NBAS: variants seen among roughly 807,000 people sequenced by gnomAD.
The protein encoded by NBAS is NBAS subunit of NRZ tethering complex, also known as NAG/BC035112 fusion.
Under a neutral mutation model 302.5 loss-of-function variants are expected in NBAS, and 219 were observed. The ratio of observed to expected loss-of-function variants is 0.72; its 90% CI spans 0.65 to 0.81. The LOEUF (loss-of-function observed/expected upper bound fraction) is 0.81, where lower values mean the gene tolerates loss of function less well. Ranked by LOEUF, NBAS falls within the 30% of genes least tolerant of loss-of-function variation. The probability of loss-of-function intolerance (pLI) is 0.00; values close to 1 mark genes in which losing one functional copy is unlikely to be tolerated. For synonymous variants in NBAS, 1,118 were observed against 1,021.6 expected (o/e 1.09, Z -1.80); for missense variants, 2,932 against 2,841.6 (o/e 1.03, Z -0.72).
At chr2:15,264,789 A>G (rs1187773418) in intron 44 of NBAS, among the ~76,000 whole-genome samples, 1 of 152,248 alleles carries the variant, frequency 6.6e-6, no homozygotes, top group African/African-American at 2.4e-5. Context: ...ATGTTACAAC[A>G]TCTCTTCCTC....
intron 16 of NBAS, among the ~76,000 whole-genome samples, chr2:15,471,248 T>C (rs1679944805): frequency 6.6e-6 from 1 of 152,166 alleles, no homozygotes; most frequent in Admixed American, 6.5e-5. Flanking sequence ...AATACAGAAT[T>C]AGTGTTTTGA....
chr2:15,275,636 C>T lies in NBAS; in HGVS notation c.5572G>A (p.Gly1858Arg). 6.2e-7 allele frequency: 1 copy of T among 1,614,158 alleles called. No individual in the cohort carries two copies. Among genetic ancestry groups the T allele is most frequent in the Non-Finnish European group, 8.5e-7 (1 of 1,180,024 alleles). ...TIWLQKLFWT[G>R]DPHLIKQVPG... ...ACTTGTTTAATGAGATGAGGGTCTC[C>T]AGTCCAGAACAACTTCTGTAACCAG... Residue 1858 changes from glycine (G) to arginine (R), a missense_variant, in exon 44 of 52, where the codon GGA becomes AGA. Gly to Arg is a moderately radical substitution (Grantham distance 125). Coordinates refer to ENST00000281513, the MANE Select transcript of NBAS (RefSeq NM_015909.4).
At chr2:14,811,778 T>C in the NBAS span, among the ~76,000 whole-genome samples, 1 of 152,074 alleles carries the variant, frequency 6.6e-6, no homozygotes, top group South Asian at 2.1e-4. Flanking sequence ...AATCTAGGAA[T>C]GTAAATGATG....
intron 12 of NBAS, among the ~76,000 whole-genome samples, chr2:15,478,521 T>A (rs1216568293): frequency 6.6e-6 from 1 of 152,222 alleles, no homozygotes; most frequent in East Asian, 1.9e-4. Flanking sequence ...ACAGCATGCA[T>A]ATGAACAACA....
chr2:15,252,081 G>A (rs1471840551), intron 44 of NBAS, among the ~76,000 whole-genome samples: 1 of 152,212 alleles, frequency 6.6e-6, no homozygotes, highest in Non-Finnish European at 1.5e-5. Context: ...CAGCAGGAGA[G>A]CAACACAATC....
the NBAS span, among the ~76,000 whole-genome samples, chr2:14,868,603 T>C: frequency 2.0e-5 from 3 of 152,184 alleles, no homozygotes; most frequent in African/African-American, 4.8e-5. Flanking sequence ...TCTTAGTATG[T>C]TGCAGCCCAA....
the NBAS span, among the ~76,000 whole-genome samples, chr2:14,784,929 T>G: frequency 6.6e-6 from 1 of 152,238 alleles, no homozygotes; most frequent in Admixed American, 6.5e-5. Flanking sequence ...ATTTTCACGA[T>G]ACTGATTCTT....
chr2:14,800,394 T>C, the NBAS span, among the ~76,000 whole-genome samples: 1 of 152,328 alleles, frequency 6.6e-6, no homozygotes, highest in South Asian at 2.1e-4. Context: ...TGGTCTTCCT[T>C]GCCTTCCGCC....
At chr2:15,302,147 G>A (rs1345272122) in intron 40 of NBAS, among the ~76,000 whole-genome samples, 1 of 152,134 alleles carries the variant, frequency 6.6e-6, no homozygotes, top group Non-Finnish European at 1.5e-5. Flanking sequence ...ATGGAGAGGT[G>A]GTAACTCTCA....
At chr2:15,005,633 GT>G in the NBAS span, among the ~76,000 whole-genome samples, 1 of 152,238 alleles carries the variant, frequency 6.6e-6, no homozygotes, top group African/African-American at 2.4e-5. Flanking sequence ...AGGGACCAGA[GT>G]TCCAGTGGCA....
chr2:14,846,286 T>G, the NBAS span, among the ~76,000 whole-genome samples: 1 of 152,050 alleles, frequency 6.6e-6, no homozygotes, highest in South Asian at 2.1e-4. Flanking sequence ...CAGAAACTTA[T>G]AGAAAACCTA....
At chr2:15,373,874 C>T (rs1418949293) in intron 31 of NBAS, among the ~76,000 whole-genome samples, 2 of 152,116 alleles carry the variant, frequency 1.3e-5, no homozygotes, top group African/African-American at 2.4e-5. Context: ...AAGCACACTG[C>T]TAATAATACC....
At chr2:15,547,346 T>C (rs1664164000) in intron 6 of NBAS, among the ~76,000 whole-genome samples, 1 of 152,014 alleles carries the variant, frequency 6.6e-6, no homozygotes, top group Admixed American at 6.6e-5. Context: ...TAAAGATGAG[T>C]CAGATAACAA....
At chr2:14,884,479 G>T in the NBAS span, among the ~76,000 whole-genome samples, 3 of 152,048 alleles carry the variant, frequency 2.0e-5, no homozygotes, top group East Asian at 5.8e-4. Context: ...TGAAGAAGAG[G>T]GTAGGCTGAG....
chr2:15,289,226 C>G (rs1371374904), intron 41 of NBAS, among the ~76,000 whole-genome samples: 2 of 152,084 alleles, frequency 1.3e-5, no homozygotes, highest in East Asian at 3.9e-4. Flanking sequence ...GTAGCTGGGA[C>G]TTCAGGAAAA....
the NBAS span, among the ~76,000 whole-genome samples, chr2:15,044,190 T>G: frequency 8.5e-5 from 13 of 152,314 alleles, no homozygotes; most frequent in African/African-American, 2.4e-4. Context: ...TTCCAATTAC[T>G]TAGATTCTAA....
At chr2:15,056,255 GA>G in the NBAS span, among the ~76,000 whole-genome samples, 1 of 152,232 alleles carries the variant, frequency 6.6e-6, no homozygotes, top group Non-Finnish European at 1.5e-5. Context: ...AGGATTAGAT[GA>G]TAGGAAAGAA....
chr2:15,543,922 T>C (rs1337410328), intron 6 of NBAS, among the ~76,000 whole-genome samples: 4 of 152,186 alleles, frequency 2.6e-5, no homozygotes, highest in Non-Finnish European at 4.4e-5. Context: ...ATAATGTTTA[T>C]GACCAGTGCC....
At chr2:15,413,917 A>T (rs979489946) in intron 25 of NBAS, among the ~76,000 whole-genome samples, 2 of 152,224 alleles carry the variant, frequency 1.3e-5, no homozygotes, top group African/African-American at 4.8e-5. Flanking sequence ...CAAAAGGCAC[A>T]CGCTAAATTG....
Sources: gnomAD v4.1 joint callset for allele counts (sites outside exome capture counted in the v4.1 genomes callset) on GRCh38, gnomAD v4.1.1 for gene constraint, MANE v1.5 for transcripts, NCBI Gene and HGNC (gene_info 2026-07-23, HGNC 2026-07-21) for gene names.